Variants in RET observed in about 807,000 individuals in gnomAD.
RET encodes the protein proto-oncogene tyrosine-protein kinase receptor Ret.
In RET, 19 loss-of-function variants were observed where a neutral mutation model predicts 118.3. The ratio of observed to expected loss-of-function variants is 0.16; its 90% CI spans 0.11 to 0.24. RET has a LOEUF of 0.24. Among genes scored for constraint, RET ranks in the 10% least tolerant of loss-of-function variants. The pLI is 1.00. For missense variants in RET, 1,219 were observed against 1,502.1 expected, an observed-to-expected ratio of 0.81 and a Z score of 3.12; for synonymous variants, 597 against 644.1, an observed-to-expected ratio of 0.93 and a Z score of 1.11.
chr10:43,085,570 G>A (rs1837271588), intron 1 of RET, among the ~76,000 whole-genome samples: 1 of 152,196 alleles, frequency 6.6e-6, no homozygotes, highest in African/African-American at 2.4e-5. Context: ...GGATACTCCT[G>A]CATAGACATC....
At chr10:43,082,572 G>A (rs1035625385) in intron 1 of RET, among the ~76,000 whole-genome samples, 1 of 151,678 alleles carries the variant, frequency 6.6e-6, no homozygotes, top group African/African-American at 2.4e-5. Flanking sequence ...CCAGATTCGG[G>A]TGCTGCAGCT....
chr10:43,102,398 C>A lies in RET; in HGVS notation c.394C>A (p.Leu132Ile), dbSNP rs1554817540. 1.2e-6 allele frequency: 2 copies of A among 1,614,284 alleles called. No individual in the cohort carries two copies. The highest frequency in any genetic ancestry group is 8.5e-7 in the Non-Finnish European group (1 of 1,180,054). ...YLKVFLSPTS[L>I]REGECQWPGC... is the part of the protein sequence containing the mutation. ...CAAGGTCTTCCTGTCACCCACATCC[C>A]TTCGTGAGGGCGAGTGCCAGTGGCC... The change falls in exon 3 of 20, where the codon CTT becomes ATT. Residue 132 changes from leucine to isoleucine, a missense_variant. Physicochemically the swap from Leu to Ile is conservative, Grantham distance 5. This residue lies in a region of RET where 84 missense variants were observed against 163.6 expected (regional missense o/e 0.51). Coordinates refer to ENST00000355710, the MANE Select transcript of RET (RefSeq NM_020975.6).
chr10:43,113,417 T>G (rs1837987524), intron 9 of RET, 139 bp from the exon 10 acceptor site: 1 of 1,030,856 alleles, frequency 9.7e-7, no homozygotes, highest in Non-Finnish European at 1.4e-6. Flanking sequence ...TAAGCCAAGC[T>G]GCTGGGCCCC....
At position 43,109,209 on chromosome 10, in the gene RET, G is replaced by A. The variant is rs2132746903; in HGVS notation, c.1242G>A (p.Arg414=). The change falls in exon 6 of 20, where the codon AGG becomes AGA. Residue 414 remains arginine (R), a synonymous_variant. Coordinates refer to ENST00000355710, the MANE Select transcript of RET (RefSeq NM_020975.6). ...GTACCTACTCCCTCTCCGTGAGCAG[G>A]AGGGCTCGCCGATTTGCCCAGGTGA... is the stretch of plus-strand genomic sequence containing the variant. ...LPSTYSLSVS[R]RARRFAQIGK... 6.2e-7 allele frequency: 1 copy of A among 1,613,480 alleles called. No homozygotes were observed. The highest frequency in any genetic ancestry group is 2.2e-5 in the East Asian group (1 of 44,884).
intron 11 of RET, among the ~76,000 whole-genome samples, chr10:43,116,255 T>G (rs1185816505): frequency 6.6e-6 from 1 of 152,170 alleles, no homozygotes; most frequent in Non-Finnish European, 1.5e-5. Context: ...ACTTCCACTG[T>G]AGTCAGAGGT....
intron 1 of RET, among the ~76,000 whole-genome samples, chr10:43,098,689 T>C (rs1837573745): frequency 6.6e-6 from 1 of 152,236 alleles, no homozygotes; most frequent in Non-Finnish European, 1.5e-5. Flanking sequence ...CCGAAAGTAT[T>C]AGGATTACAG....
intron 1 of RET, among the ~76,000 whole-genome samples, chr10:43,085,285 G>A (rs756057198): frequency 3.7e-4 from 56 of 152,166 alleles, no homozygotes; most frequent in African/African-American, 1.3e-3. Flanking sequence ...GGCAAACAGC[G>A]GGGAAGCACA....
At chr10:43,113,242 CAG>C in intron 9 of RET, among the ~76,000 whole-genome samples, 1 of 152,318 alleles carries the variant, frequency 6.6e-6, no homozygotes, top group Middle Eastern at 3.4e-3. Context: ...GGGACACTGA[CAG>C]GGAAAGTGCG....
At chr10:43,093,240 A>C (rs1837446629) in intron 1 of RET, among the ~76,000 whole-genome samples, 1 of 152,056 alleles carries the variant, frequency 6.6e-6, no homozygotes, top group South Asian at 2.1e-4. Flanking sequence ...GCCATGATTC[A>C]GTGGACCCTG....
intron 11 of RET, among the ~76,000 whole-genome samples, chr10:43,115,430 C>A (rs1020335648): frequency 3.3e-5 from 5 of 152,226 alleles, no homozygotes; most frequent in Non-Finnish European, 5.9e-5. Flanking sequence ...CTGGAGCCTC[C>A]GTTCAGGCAA....
intron 18 of RET, among the ~76,000 whole-genome samples, chr10:43,125,797 T>G (rs1377614964): frequency 6.6e-6 from 1 of 152,222 alleles, no homozygotes; most frequent in Non-Finnish European, 1.5e-5. Context: ...GATAGCGGGA[T>G]GCAGGACCTA....
intron 17 of RET, 37 bp from the exon 18 acceptor site, chr10:43,124,846 G>C: frequency 6.2e-7 from 1 of 1,605,542 alleles, no homozygotes; most frequent in Non-Finnish European, 8.5e-7. Context: ...ACCTGGCCCT[G>C]CTTGGATCAT....
chr10:43,112,745 C>T (rs2132811131), intron 8 of RET, 108 bp from the exon 9 acceptor site: 1 of 831,108 alleles, frequency 1.2e-6, no homozygotes, highest in Non-Finnish European at 2.0e-6. Flanking sequence ...TTTCCCTACT[C>T]AGGCCTCCAG....
At position 43,094,207 on chromosome 10, in the gene RET, C is replaced by T. The variant is rs547150943; in HGVS notation, c.74-6252C>T. Among the ~76,000 whole-genome samples the T allele has an allele frequency of 5.3e-5, 8 of 152,034 alleles. No homozygotes were observed. The South Asian group carries it at 1.7e-3, about 32-fold the overall frequency. Reference sequence around the variant, plus strand: ...CTGGGGAGGCGGGGACCGCCTCTTTCCACCCCCAGCCCCCAGGGAGGAGCC... The same window carrying T: ...CTGGGGAGGCGGGGACCGCCTCTTTTCACCCCCAGCCCCCAGGGAGGAGCC... On this transcript the variant is annotated intron_variant, in intron 1 of 19. Transcript: ENST00000355710.
intron 1 of RET, among the ~76,000 whole-genome samples, chr10:43,091,388 G>A (rs1037964041): frequency 1.3e-5 from 2 of 152,004 alleles, no homozygotes; most frequent in Non-Finnish European, 2.9e-5. Flanking sequence ...TAGCACTTGG[G>A]GAGGCTCACG....
At chr10:43,088,548 A>G (rs1837345023) in intron 1 of RET, among the ~76,000 whole-genome samples, 1 of 151,866 alleles carries the variant, frequency 6.6e-6, no homozygotes, top group Non-Finnish European at 1.5e-5. Flanking sequence ...GATGGTCGTG[A>G]TGCAGCCATC....
rs760821097 is a variant in RET at position 43,118,410 on chromosome 10, A to G, written c.2322A>G (p.Ser774=). ...ASPSELRDLL[S]EFNVLKQVNH... Reference sequence around the variant, plus strand: ...CGAGTGAGCTGCGAGACCTGCTGTCAGAGTTCAACGTCCTGAAGCAGGTCA... The same window carrying G: ...CGAGTGAGCTGCGAGACCTGCTGTCGGAGTTCAACGTCCTGAAGCAGGTCA... Residue 774 remains serine, a synonymous_variant, in exon 13 of 20, where the codon TCA becomes TCG. Coordinates refer to ENST00000355710, the MANE Select transcript of RET (RefSeq NM_020975.6). 16 of 1,614,142 alleles carry G rather than the reference A, an allele frequency of 9.9e-6. No individual in the cohort carries two copies. Among genetic ancestry groups the G allele is most frequent in the Non-Finnish European group, 1.3e-5 (15 of 1,180,004 alleles).
intron 16 of RET, 62 bp from the exon 17 acceptor site, chr10:43,123,609 C>T: frequency 6.2e-7 from 1 of 1,609,054 alleles, no homozygotes; most frequent in Non-Finnish European, 8.5e-7. Context: ...GATATCTGGG[C>T]CCCCCGGAGG....
chr10:43,128,209 A>G lies in RET; in HGVS notation c.3285A>G (p.Val1095=), dbSNP rs1838376770. The G allele has an allele frequency of 3.1e-6, 5 of 1,614,212 alleles. No homozygotes were observed. The highest frequency in any genetic ancestry group is 1.3e-5 in the African/African-American group (1 of 75,054). The change falls in exon 20 of 20, where the codon GTA becomes GTG. Residue 1095 remains valine, a synonymous_variant. Transcript: ENST00000355710. ...TTCCAAGATATCCAAATGATAGTGTATATGCTAACTGGATGCTTTCACCCT... is the reference window on the plus strand; with the variant it reads ...TTCCAAGATATCCAAATGATAGTGTGTATGCTAACTGGATGCTTTCACCCT... ...TGFPRYPNDS[V]YANWMLSPSA... is the part of the protein sequence containing the mutation.
Sources: gnomAD v4.1 joint callset for allele counts (sites outside exome capture counted in the v4.1 genomes callset) on GRCh38, gnomAD v4.1.1 for gene constraint, gnomAD v4.1.1 regional missense constraint, MANE v1.5 for transcripts, NCBI Gene and HGNC (gene_info 2026-07-23, HGNC 2026-07-21) for gene names.